STK24: variants seen among roughly 807,000 people sequenced by gnomAD.
The protein encoded by STK24 is serine/threonine-protein kinase 24.
A neutral mutation model predicts 55.6 loss-of-function variants in STK24; 21 were observed. The observed-to-expected ratio is 0.38, with a 90% CI of 0.27 to 0.54. The LOEUF (loss-of-function observed/expected upper bound fraction) is 0.54. Ranked by LOEUF, STK24 falls within the 20% of genes least tolerant of loss-of-function variation. STK24 has a pLI of 0.79. For synonymous variants in STK24, 200 were observed against 215.2 expected (o/e 0.93, Z 0.62); for missense variants, 383 against 538.4 (o/e 0.71, Z 2.86).
chr13:98,534,243 G>A (rs536738272), intron 1 of STK24, among the ~76,000 whole-genome samples: 9 of 152,330 alleles, frequency 5.9e-5, no homozygotes, highest in Non-Finnish European at 1.0e-4. Flanking sequence ...GCTCAAAGAC[G>A]AGGCCTGCGG....
intron 1 of STK24, among the ~76,000 whole-genome samples, chr13:98,539,485 CAAAGT>C (rs10577152): frequency 0.68 from 102,729 of 151,658 alleles, 35,206 homozygotes; most frequent in Non-Finnish European, 0.74. Flanking sequence ...GTCAGCAAAG[CAAAGT>C]GCTTAAGAGA....
chr13:98,515,283 C>T (rs2139373666), intron 2 of STK24, among the ~76,000 whole-genome samples: 1 of 152,216 alleles, frequency 6.6e-6, no homozygotes, highest in South Asian at 2.1e-4. Flanking sequence ...CACACTACCC[C>T]ATATCCCCTA....
At chr13:98,506,766 C>T (rs1325545910) in intron 2 of STK24, among the ~76,000 whole-genome samples, 3 of 152,204 alleles carry the variant, frequency 2.0e-5, no homozygotes, top group Non-Finnish European at 4.4e-5. Flanking sequence ...ACCACGGACA[C>T]GTGTTAGGCA....
intron 1 of STK24, among the ~76,000 whole-genome samples, chr13:98,559,141 T>C (rs533582913): frequency 6.0e-5 from 9 of 150,454 alleles, no homozygotes; most frequent in Non-Finnish European, 1.3e-4. Flanking sequence ...ACCATTGCAC[T>C]CCAGCCTGGG....
intron 2 of STK24, among the ~76,000 whole-genome samples, chr13:98,500,970 C>T (rs1247093428): frequency 4.6e-5 from 7 of 151,960 alleles, no homozygotes; most frequent in South Asian, 4.2e-4. Context: ...GTAAAACATG[C>T]GCGTCCATGT....
At chr13:98,483,515 G>A (rs1894683474) in intron 2 of STK24, among the ~76,000 whole-genome samples, 1 of 152,160 alleles carries the variant, frequency 6.6e-6, no homozygotes, top group Admixed American at 6.5e-5. Flanking sequence ...AGGTCTCACT[G>A]CGCTGACTCC....
At chr13:98,539,529 G>A (rs1896828293) in intron 1 of STK24, among the ~76,000 whole-genome samples, 1 of 151,660 alleles carries the variant, frequency 6.6e-6, no homozygotes, top group African/African-American at 2.4e-5. Context: ...CTGGCCCAGT[G>A]TTCTTCTCTC....
intron 2 of STK24, among the ~76,000 whole-genome samples, chr13:98,499,040 C>T (rs1020974314): frequency 4.6e-5 from 7 of 152,118 alleles, no homozygotes; most frequent in African/African-American, 1.2e-4. Context: ...TGAGGTCAGG[C>T]GCTTGAGACC....
At chr13:98,527,083 G>A (rs1423103974) in intron 1 of STK24, among the ~76,000 whole-genome samples, 1 of 152,164 alleles carries the variant, frequency 6.6e-6, no homozygotes, top group Admixed American at 6.5e-5. Flanking sequence ...CATCCTTTTG[G>A]AGTTTATTTC....
intron 1 of STK24, among the ~76,000 whole-genome samples, chr13:98,574,477 C>A (rs780998271): frequency 6.6e-6 from 1 of 152,146 alleles, no homozygotes; most frequent in Non-Finnish European, 1.5e-5. Context: ...AGGGAAGCCT[C>A]CCAGGGCAGT....
chr13:98,559,173 C>CA (rs199650765), intron 1 of STK24, among the ~76,000 whole-genome samples: 11 of 150,190 alleles, frequency 7.3e-5, no homozygotes, highest in East Asian at 2.0e-4. Context: ...AACTCCGTCT[C>CA]AAAAAAAAAG....
intron 1 of STK24, among the ~76,000 whole-genome samples, chr13:98,525,867 G>A (rs1428937874): frequency 6.6e-6 from 1 of 152,252 alleles, no homozygotes; most frequent in African/African-American, 2.4e-5. Flanking sequence ...TGCAGGGTCT[G>A]AATAGAAGGC....
chr13:98,532,046 T>G (rs1240781970), intron 1 of STK24, among the ~76,000 whole-genome samples: 4 of 152,138 alleles, frequency 2.6e-5, no homozygotes, highest in Admixed American at 6.5e-5. Flanking sequence ...CCAGAATCTT[T>G]GGGGAAGGGC....
intron 9 of STK24, among the ~76,000 whole-genome samples, chr13:98,457,896 T>C (rs979348017): frequency 3.7e-4 from 56 of 152,338 alleles, no homozygotes; most frequent in African/African-American, 1.3e-3. Flanking sequence ...CTGTGTGCCT[T>C]TCCCAAGTCT....
intron 2 of STK24, among the ~76,000 whole-genome samples, chr13:98,490,412 T>G (rs536800868): frequency 6.6e-6 from 1 of 152,294 alleles, no homozygotes; most frequent in African/African-American, 2.4e-5. Flanking sequence ...GCCCTATCAC[T>G]TATTATCTTT....
intron 1 of STK24, among the ~76,000 whole-genome samples, chr13:98,560,292 T>C (rs1228047504): frequency 6.6e-6 from 1 of 152,202 alleles, no homozygotes; most frequent in Non-Finnish European, 1.5e-5. Context: ...ATGCACCTTG[T>C]ACGGGATGAA....
rs529023062 is a variant in STK24 at position 98,473,792 on chromosome 13, C to T, written c.597+1029G>A. ...ACTCCTCCCAAGGTGGAACCAGGTA[C>T]GCCTGCAACTTGAGCTACAACCTGG... is the stretch of plus-strand genomic sequence containing the variant. On this transcript the variant is annotated intron_variant, in intron 5 of 10. Transcript: ENST00000539966. Among the ~76,000 whole-genome samples, 35 of 152,372 alleles carry T rather than the reference C, an allele frequency of 2.3e-4. No individual in the cohort carries two copies. In the South Asian group the frequency reaches 6.6e-3, roughly 29 times the overall value.
rs531353870 is a variant in STK24, at chr13:98,551,143, G to A, written c.42+25602C>T. 2.0e-4 allele frequency among the ~76,000 whole-genome samples: 30 copies of A among 152,072 alleles called. No individual in the cohort carries two copies. The East Asian group carries it at 2.7e-3, about 14-fold the overall frequency. On this transcript the variant is annotated intron_variant, in intron 1 of 10. Coordinates refer to ENST00000539966, the MANE Select transcript of STK24 (RefSeq NM_001032296.4). Reference sequence around the variant, plus strand: ...TTACTAAAAATACAAAAAATTAGCCGGGCATGGTGGCGGGCGCCTGTAGTC... The same window carrying A: ...TTACTAAAAATACAAAAAATTAGCCAGGCATGGTGGCGGGCGCCTGTAGTC...
In STK24 at chr13:98,446,678, C is replaced by T. The variant is rs1892859416; in HGVS notation, c.*6495G>A. ...TTCCCCTTTCCAGGACAATCATCCC[C>T]TTGCCAGCCTGCCTCTGCTCGGCTA... On this transcript the variant is annotated 3_prime_UTR_variant, in exon 11 of 11. Transcript: ENST00000539966. 2 of 1,614,026 alleles carry T rather than the reference C, an allele frequency of 1.2e-6. No homozygotes were observed. Among genetic ancestry groups the T allele is most frequent in the Non-Finnish European group, 1.7e-6 (2 of 1,180,026 alleles).
Sources: allele counts gnomAD v4.1 joint callset (sites outside exome capture counted in the v4.1 genomes callset), GRCh38; gene constraint gnomAD v4.1.1; transcripts MANE v1.5; gene names NCBI Gene and HGNC (gene_info 2026-07-23, HGNC 2026-07-21).